Variants in CNBD2 observed in about 807,000 individuals in gnomAD.
The protein encoded by CNBD2 is cyclic nucleotide-binding domain-containing protein 2.
A neutral mutation model predicts 63.7 loss-of-function variants in CNBD2; 64 were observed. The ratio of observed to expected loss-of-function variants is 1.00; its 90% CI spans 0.82 to 1.24. The LOEUF (loss-of-function observed/expected upper bound fraction) is 1.24. Ranked by LOEUF, CNBD2 falls within the 50% of genes most tolerant of loss-of-function variation. The pLI is 0.00. For synonymous variants in CNBD2, 229 were observed against 255.4 expected, an observed-to-expected ratio of 0.90 and a Z score of 0.99; for missense variants, 691 against 713.5, an observed-to-expected ratio of 0.97 and a Z score of 0.36.
chr20:35,979,811 C>T lies in CNBD2; in HGVS notation c.244-648C>T, dbSNP rs140482372. Among the ~76,000 whole-genome samples the T allele has an allele frequency of 1.6e-3, 242 of 152,298 alleles. 2 individuals carry two copies. Among genetic ancestry groups the T allele is most frequent in the Middle Eastern group, 0.014 (4 of 294 alleles). On this transcript the variant is annotated intron_variant, in intron 3 of 11. Transcript: ENST00000373973. ...CCCAGGCAGAGACCTCAAGACAGAGCCGAGCTTAGCACATGCCAGGGACAG... is the reference window on the plus strand; with the variant it reads ...CCCAGGCAGAGACCTCAAGACAGAGTCGAGCTTAGCACATGCCAGGGACAG...
intron 10 of CNBD2, among the ~76,000 whole-genome samples, chr20:36,012,435 G>A (rs1332132102): frequency 6.7e-6 from 1 of 150,144 alleles, no homozygotes; most frequent in East Asian, 2.0e-4. Flanking sequence ...CCGAGATTGT[G>A]CCACTGCACT....
At chr20:36,002,583 AC>A (rs2056929386) in intron 8 of CNBD2, among the ~76,000 whole-genome samples, 2 of 152,172 alleles carry the variant, frequency 1.3e-5, no homozygotes, top group South Asian at 4.1e-4. Flanking sequence ...AAGCCACTGC[AC>A]CTGGCCAACA....
intron 11 of CNBD2, among the ~76,000 whole-genome samples, chr20:36,027,854 T>C (rs2590959): frequency 0.35 from 52,787 of 151,828 alleles, 13,476 homozygotes; most frequent in African/African-American, 0.72. Flanking sequence ...TTAGTAGAGA[T>C]GGGGTTTCAC....
chr20:35,984,110 A>T lies in CNBD2; in HGVS notation c.536A>T (p.Lys179Ile). ...GSSAFLDPHP[K>I]LLHKGSCFGE... is the part of the protein sequence containing the mutation. ...AGTGCCTTCCTAGATCCCCACCCGA[A>T]ATTGCTGCACAAGGGTAGCTGTTTT... The change falls in exon 5 of 12, where the codon AAA becomes ATA. Residue 179 changes from lysine (K) to isoleucine (I), a missense_variant. By Grantham distance (102) the Lys-to-Ile change is moderately radical. Transcript: ENST00000373973. 6.2e-7 allele frequency: 1 copy of T among 1,611,656 alleles called. No homozygotes were observed. The highest frequency in any genetic ancestry group is 2.2e-5 in the East Asian group (1 of 44,874).
chr20:35,975,438 C>T (rs1435703022), intron 2 of CNBD2, among the ~76,000 whole-genome samples: 3 of 107,102 alleles, frequency 2.8e-5, no homozygotes, highest in South Asian at 3.3e-4. Context: ...GTAGCTGGGA[C>T]TACAGGCGCC....
intron 11 of CNBD2, among the ~76,000 whole-genome samples, chr20:36,027,814 T>C (rs995759501): frequency 2.0e-5 from 3 of 152,182 alleles, no homozygotes; most frequent in African/African-American, 7.2e-5. Flanking sequence ...TAGATGGGAT[T>C]ACAGGCGCCG....
At chr20:35,976,842 T>C (rs1010032158) in intron 3 of CNBD2, among the ~76,000 whole-genome samples, 1 of 152,206 alleles carries the variant, frequency 6.6e-6, no homozygotes, top group African/African-American at 2.4e-5. Flanking sequence ...GTTGTTGTTT[T>C]TTTCCTCAGT....
At chr20:35,964,186 CT>C (rs971183534), upstream of CNBD2, among the ~76,000 whole-genome samples, 59 of 146,054 alleles carry the variant, frequency 4.0e-4, no homozygotes, top group Non-Finnish European at 3.0e-4. Context: ...ATCTTTTTTT[CT>C]TTTTTTTTTT....
chr20:36,002,611 A>G (rs911183749), intron 8 of CNBD2, among the ~76,000 whole-genome samples: 3 of 152,056 alleles, frequency 2.0e-5, no homozygotes, highest in Admixed American at 6.5e-5. Flanking sequence ...TTTTTGTATA[A>G]ACTCTTTATA....
intron 10 of CNBD2, among the ~76,000 whole-genome samples, chr20:36,022,013 A>G (rs1415495676): frequency 1.5e-5 from 2 of 134,860 alleles, no homozygotes; most frequent in Non-Finnish European, 3.1e-5. Flanking sequence ...TTTTTATTTT[A>G]CTTTTTTTTT....
intron 2 of CNBD2, 41 bp from the exon 3 acceptor site, chr20:35,975,908 C>T: frequency 6.3e-7 from 1 of 1,585,090 alleles, no homozygotes. Context: ...TAGGGGCAGT[C>T]TTGCTGATTC....
At chr20:36,014,379 G>C (rs1243434718) in intron 10 of CNBD2, among the ~76,000 whole-genome samples, 4 of 150,284 alleles carry the variant, frequency 2.7e-5, no homozygotes, top group Non-Finnish European at 5.9e-5. Context: ...ACCCAGGCTG[G>C]AGTGCAGTGG....
upstream of CNBD2, among the ~76,000 whole-genome samples, chr20:35,966,495 T>C (rs879537641): frequency 3.2e-4 from 48 of 152,152 alleles, no homozygotes; most frequent in African/African-American, 1.1e-3. Context: ...CAAGAGCAAA[T>C]TGAGATACTC....
intron 2 of CNBD2, chr20:35,974,656 C>T (rs2056474551): frequency 6.6e-6 from 1 of 152,404 alleles, no homozygotes; most frequent in South Asian, 2.1e-4. Context: ...TCAGTAGTCT[C>T]CCTGAGAAGC....
intron 11 of CNBD2, among the ~76,000 whole-genome samples, chr20:36,026,997 A>G (rs1424595576): frequency 2.0e-5 from 3 of 152,240 alleles, no homozygotes; most frequent in South Asian, 4.1e-4. Flanking sequence ...ACTAAATGTG[A>G]TGGGCCATAC....
chr20:36,023,671 A>C lies in CNBD2; in HGVS notation c.1339A>C (p.Asn447His), dbSNP rs763654737. Residue 447 changes from asparagine to histidine, a missense_variant, in exon 11 of 12, where the codon AAT becomes CAT. By Grantham distance (68) the Asn-to-His change is moderately conservative. Transcript: ENST00000373973. ...ACCCTTGATCCTGATGAGCCTGGGA[A>C]ATGAGTTGATACGGATAAGGAAGGA... is the stretch of plus-strand genomic sequence containing the variant. ...TRPLILMSLG[N>H]ELIRIRKEIF... is the part of the protein sequence containing the mutation. 54 of 1,613,872 alleles carry C rather than the reference A, an allele frequency of 3.3e-5. No homozygotes were observed. Among genetic ancestry groups the C allele is most frequent in the Non-Finnish European group, 4.6e-5 (54 of 1,179,946 alleles).
intron 10 of CNBD2, among the ~76,000 whole-genome samples, chr20:36,016,505 C>A (rs952789914): frequency 6.6e-6 from 1 of 152,112 alleles, no homozygotes. Flanking sequence ...AATAAGACCA[C>A]CAGGCCGGGC....
At chr20:35,968,558 G>T, upstream of CNBD2, 1 of 491,702 alleles carries the variant, frequency 2.0e-6, no homozygotes, top group South Asian at 2.1e-5. Context: ...CTTTCATTGT[G>T]ACCTTAGGAG....
chr20:35,983,297 TTTATTTA>T, intron 4 of CNBD2, among the ~76,000 whole-genome samples: 1 of 152,080 alleles, frequency 6.6e-6, no homozygotes, highest in Non-Finnish European at 1.5e-5. Flanking sequence ...ACCACTGATA[TTTATTTA>T]ACTTATTGAA....
Sources: allele counts gnomAD v4.1 joint callset (sites outside exome capture counted in the v4.1 genomes callset), GRCh38; gene constraint gnomAD v4.1.1; transcripts MANE v1.5; gene names NCBI Gene and HGNC (gene_info 2026-07-23, HGNC 2026-07-21).